The following ZDHHC17 variants were observed in gnomAD, a reference collection of about 807,000 sequenced individuals.
The protein encoded by ZDHHC17 is zDHHC palmitoyltransferase 17.
ZDHHC17 carries 40 observed loss-of-function variants against 90.3 expected under a neutral mutation model. The observed-to-expected ratio is 0.44, with a 90% confidence interval of 0.34 to 0.58. The LOEUF is 0.58. Ranked by LOEUF, ZDHHC17 falls within the 20% of genes least tolerant of loss-of-function variation. The pLI is 0.01. For missense variants in ZDHHC17, 614 were observed against 780.8 expected, an observed-to-expected ratio of 0.79 and a Z score of 2.55; for synonymous variants, 235 against 252.4, an observed-to-expected ratio of 0.93 and a Z score of 0.65.
chr12:76,816,761 G>T (rs924436433), intron 7 of ZDHHC17, among the ~76,000 whole-genome samples: 2 of 151,848 alleles, frequency 1.3e-5, no homozygotes, highest in Non-Finnish European at 2.9e-5. Flanking sequence ...AAGAGGAGAA[G>T]GATAAACTTC....
At chr12:76,774,308 A>G (rs1406028364) in intron 1 of ZDHHC17, among the ~76,000 whole-genome samples, 3 of 113,870 alleles carry the variant, frequency 2.6e-5, no homozygotes, top group South Asian at 5.6e-4. Context: ...ATATATATAT[A>G]TACACACACA....
chr12:76,771,541 A>C (rs931781315), intron 1 of ZDHHC17, among the ~76,000 whole-genome samples: 7 of 152,184 alleles, frequency 4.6e-5, no homozygotes, highest in Non-Finnish European at 1.0e-4. Context: ...TTGTGTATAT[A>C]TGTCAGATGG....
In ZDHHC17 at chr12:76,764,258, A is replaced by C; in HGVS notation, c.22A>C (p.Asn8His). The C allele has an allele frequency of 6.2e-7, 1 of 1,605,126 alleles. No homozygotes were observed. The highest frequency in any genetic ancestry group is 8.5e-7 in the Non-Finnish European group (1 of 1,175,900). Residue 8 changes from asparagine (N) to histidine (H), a missense_variant, in exon 1 of 17, where the codon AAC becomes CAC. Coordinates refer to ENST00000426126, the MANE Select transcript of ZDHHC17 (RefSeq NM_015336.4). The part of the protein sequence containing the change: MQREEGF[N>H]TKMADGPDEY... ...CAGCATGCAGCGGGAGGAGGGATTT[A>C]ACACCAAGATGGCGGACGGCCCGGA...
intron 16 of ZDHHC17, among the ~76,000 whole-genome samples, chr12:76,850,062 G>A (rs1953544131): frequency 6.6e-6 from 1 of 152,134 alleles, no homozygotes; most frequent in Non-Finnish European, 1.5e-5. Context: ...TGGGATTACA[G>A]GCATGCACCA....
At chr12:76,849,118 T>TAAAA (rs1035048447) in intron 15 of ZDHHC17, among the ~76,000 whole-genome samples, 1 of 48,470 alleles carries the variant, frequency 2.1e-5, no homozygotes, top group Non-Finnish European at 4.2e-5. Context: ...ACCCTATCTC[T>TAAAA]AAAAAAAAAA....
At chr12:76,814,844 C>G (rs1369283734) in intron 5 of ZDHHC17, among the ~76,000 whole-genome samples, 1 of 151,938 alleles carries the variant, frequency 6.6e-6, no homozygotes, top group African/African-American at 2.4e-5. Flanking sequence ...GAAACTTAAT[C>G]ACTTAACCTA....
chr12:76,847,962 GTAT>G (rs1953514610), intron 14 of ZDHHC17, among the ~76,000 whole-genome samples: 1 of 152,108 alleles, frequency 6.6e-6, no homozygotes, highest in South Asian at 2.1e-4. Flanking sequence ...GTTTTTCTAA[GTAT>G]TATGTGATGC....
intron 1 of ZDHHC17, among the ~76,000 whole-genome samples, chr12:76,780,348 T>C (rs1952608120): frequency 6.6e-6 from 1 of 152,208 alleles, no homozygotes; most frequent in African/African-American, 2.4e-5. Flanking sequence ...ACTGTACATG[T>C]TTGGTTACAA....
At chr12:76,839,387 A>G (rs1296724518) in intron 10 of ZDHHC17, among the ~76,000 whole-genome samples, 2 of 152,268 alleles carry the variant, frequency 1.3e-5, no homozygotes, top group African/African-American at 2.4e-5. Context: ...TTTATGATAC[A>G]TGTGGTCTGT....
intron 9 of ZDHHC17, among the ~76,000 whole-genome samples, chr12:76,827,824 T>TA (rs924024521): frequency 2.0e-4 from 31 of 152,140 alleles, no homozygotes; most frequent in Non-Finnish European, 5.9e-5. Flanking sequence ...ACCTCCTGCC[T>TA]ATATGGATAG....
At position 76,842,978 on chromosome 12, in the gene ZDHHC17, T is replaced by C. The variant is rs1953453080; in HGVS notation, c.1326T>C (p.Cys442=). Residue 442 remains cysteine (C), a synonymous_variant, in exon 12 of 17, where the codon TGT becomes TGC. Coordinates refer to ENST00000426126, the MANE Select transcript of ZDHHC17 (RefSeq NM_015336.4). Reference sequence around the variant, plus strand: ...ACCTCAGTATATTCTGCAGTACCTGTTTGGTAGTATTTTCTTCTTTGTTCT... The same window carrying C: ...ACCTCAGTATATTCTGCAGTACCTGCTTGGTAGTATTTTCTTCTTTGTTCT... ...SLDLSIFCST[C]LIRKPVRSKH... 6 of 1,608,696 alleles carry C rather than the reference T, an allele frequency of 3.7e-6. No individual in the cohort carries two copies. In the African/African-American group the frequency reaches 6.7e-5, roughly 18 times the overall value.
At chr12:76,764,401 C>A in intron 1 of ZDHHC17, 72 bp downstream of exon 1, 1 of 1,412,334 alleles carries the variant, frequency 7.1e-7, no homozygotes, top group Non-Finnish European at 9.7e-7. Flanking sequence ...TCGCCGAGGG[C>A]GGCGGCCGAC....
In ZDHHC17 at chr12:76,827,018, T is replaced by G; in HGVS notation, c.1008T>G (p.Gly336=). The change falls in exon 9 of 17, where the codon GGT becomes GGG. Residue 336 remains glycine (G), a synonymous_variant. Coordinates refer to ENST00000426126, the MANE Select transcript of ZDHHC17 (RefSeq NM_015336.4). ...GGCTCATTAAAGGGCTAATGTATGG[T>G]GGTGTTTGGGCTACAGTACAGTTTC... ...DSWLIKGLMY[G]GVWATVQFLS... 1 of 1,568,166 alleles carries G rather than the reference T, an allele frequency of 6.4e-7. No individual in the cohort carries two copies. Among genetic ancestry groups the G allele is most frequent in the Non-Finnish European group, 8.6e-7 (1 of 1,164,696 alleles).
chr12:76,821,120 G>A (rs1365400669), intron 7 of ZDHHC17: 3 of 1,287,436 alleles, frequency 2.3e-6, no homozygotes, highest in Non-Finnish European at 3.0e-6. Flanking sequence ...CGAGGCAACT[G>A]CAGGATATTC....
chr12:76,796,809 G>T (rs1401260683), intron 1 of ZDHHC17, among the ~76,000 whole-genome samples: 1 of 152,208 alleles, frequency 6.6e-6, no homozygotes, highest in African/African-American at 2.4e-5. Context: ...AGAAAAATTG[G>T]TCAGAGAGAA....
intron 2 of ZDHHC17, among the ~76,000 whole-genome samples, chr12:76,801,056 T>A (rs1328256498): frequency 6.6e-6 from 1 of 151,544 alleles, no homozygotes; most frequent in Admixed American, 6.6e-5. Context: ...CCCAGCTAAT[T>A]TTTGTATTTT....
chr12:76,801,336 G>A (rs1952887017), intron 2 of ZDHHC17, among the ~76,000 whole-genome samples: 1 of 151,164 alleles, frequency 6.6e-6, no homozygotes, highest in Non-Finnish European at 1.5e-5. Context: ...TTTCTTTGCG[G>A]ATACTATGGA....
chr12:76,785,476 AT>A (rs1308780997), intron 1 of ZDHHC17, among the ~76,000 whole-genome samples: 2 of 152,214 alleles, frequency 1.3e-5, no homozygotes, highest in East Asian at 3.8e-4. Flanking sequence ...AAAGTTAAAA[AT>A]TATAAGTTGA....
chr12:76,842,255 C>A, intron 11 of ZDHHC17, 149 bp downstream of exon 11: 1 of 860,152 alleles, frequency 1.2e-6, no homozygotes. Context: ...ATTTGGTGCT[C>A]ATCCTTGGTG....
Sources: allele counts gnomAD v4.1 joint callset (sites outside exome capture counted in the v4.1 genomes callset), GRCh38; gene constraint gnomAD v4.1.1; transcripts MANE v1.5; gene names NCBI Gene and HGNC (gene_info 2026-07-23, HGNC 2026-07-21).